The following SLC39A10 variants were observed in gnomAD, a reference collection of about 807,000 sequenced individuals.
The protein encoded by SLC39A10 is solute carrier family 39 member 10.
SLC39A10 carries 13 observed loss-of-function variants against 65.1 expected under a neutral mutation model. The ratio of observed to expected loss-of-function variants is 0.20; its 90% CI spans 0.13 to 0.32. The LOEUF (loss-of-function observed/expected upper bound fraction) is 0.32. Among genes scored for constraint, SLC39A10 ranks in the 10% least tolerant of loss-of-function variants. The pLI is 1.00. For missense variants in SLC39A10, 831 were observed against 1,018.4 expected, an observed-to-expected ratio of 0.82 and a Z score of 2.50; for synonymous variants, 321 against 342.2, an observed-to-expected ratio of 0.94 and a Z score of 0.68.
intron 3 of SLC39A10, among the ~76,000 whole-genome samples, chr2:195,701,432 A>T (rs1416458798): frequency 0.017 from 214 of 12,438 alleles, no homozygotes; most frequent in Middle Eastern, 0.042. Flanking sequence ...AGTTTCTGTG[A>T]TTCTTTTTTT....
intron 2 of SLC39A10, among the ~76,000 whole-genome samples, chr2:195,616,297 GGATT>G (rs111926219): frequency 1.2e-4 from 18 of 150,770 alleles, no homozygotes; most frequent in Non-Finnish European, 1.5e-4. Context: ...ATTTCAATTT[GGATT>G]GATTGATTGA....
chr2:195,668,715 T>G (rs1195729199), intron 1 of SLC39A10, among the ~76,000 whole-genome samples: 2 of 152,234 alleles, frequency 1.3e-5, no homozygotes, highest in African/African-American at 4.8e-5. Flanking sequence ...TTGTTTGTTT[T>G]TTGGTTGTTG....
chr2:195,725,963 T>G (rs1232455653), intron 8 of SLC39A10, among the ~76,000 whole-genome samples: 1 of 152,130 alleles, frequency 6.6e-6, no homozygotes, highest in African/African-American at 2.4e-5. Context: ...TAAAAAAATT[T>G]TGGAAGGGTA....
intron 2 of SLC39A10, among the ~76,000 whole-genome samples, chr2:195,648,991 G>C (rs1688980436): frequency 6.6e-6 from 1 of 152,178 alleles, no homozygotes; most frequent in South Asian, 2.1e-4. Context: ...AAACTTGGGT[G>C]TGATGAAATC....
chr2:195,655,900 G>A (rs1038309522), upstream of SLC39A10, among the ~76,000 whole-genome samples: 2 of 152,182 alleles, frequency 1.3e-5, no homozygotes, highest in African/African-American at 4.8e-5. Context: ...CTTCTTTCAT[G>A]AAGGTATAAT....
chr2:195,708,197 A>G (rs2105813325), intron 4 of SLC39A10, among the ~76,000 whole-genome samples: 2 of 152,270 alleles, frequency 1.3e-5, no homozygotes, highest in South Asian at 4.2e-4. Flanking sequence ...GTACCCCTGA[A>G]CTTAAAATAA....
intron 1 of SLC39A10, among the ~76,000 whole-genome samples, chr2:195,672,475 C>T (rs1397257170): frequency 6.6e-6 from 1 of 152,030 alleles, no homozygotes; most frequent in Non-Finnish European, 1.5e-5. Flanking sequence ...TAGTTCTAAA[C>T]TAAAGTTGCA....
chr2:195,691,583 T>A (rs779998484), intron 3 of SLC39A10, among the ~76,000 whole-genome samples: 4 of 152,250 alleles, frequency 2.6e-5, no homozygotes, highest in African/African-American at 4.8e-5. Context: ...TGGTATCACA[T>A]TGCGGTTTTG....
intron 2 of SLC39A10, among the ~76,000 whole-genome samples, chr2:195,640,352 A>C (rs919425119): frequency 1.3e-5 from 2 of 152,010 alleles, no homozygotes; most frequent in African/African-American, 4.8e-5. Context: ...AAAAAAAAAA[A>C]AAAACCTTAA....
intron 1 of SLC39A10, among the ~76,000 whole-genome samples, chr2:195,678,391 C>G (rs1690173733): frequency 6.6e-6 from 1 of 151,990 alleles, no homozygotes; most frequent in African/African-American, 2.4e-5. Flanking sequence ...TTTTCATTTG[C>G]TTTTTAGGAG....
chr2:195,621,922 A>G (rs932936446), intron 2 of SLC39A10, among the ~76,000 whole-genome samples: 1 of 152,224 alleles, frequency 6.6e-6, no homozygotes, highest in Non-Finnish European at 1.5e-5. Context: ...TATTTTGCAG[A>G]TTAAAAAAAC....
chr2:195,657,396 G>T, intron 1 of SLC39A10, 115 bp downstream of exon 1: 1 of 985,576 alleles, frequency 1.0e-6, no homozygotes, highest in Admixed American at 6.1e-5. Context: ...CAGAACCGGG[G>T]AGTCGGGGCT....
At chr2:195,656,648 A>G (rs1245005620), upstream of SLC39A10, 1 of 152,234 alleles carries the variant, frequency 6.6e-6, no homozygotes, top group Non-Finnish European at 1.5e-5. Flanking sequence ...GCACTAAATA[A>G]AGTTCGCTGT....
At position 195,713,561 on chromosome 2, in the gene SLC39A10, G is replaced by C; in HGVS notation, c.1696+8G>C. ...AACTCAAGCCTCTTGCCGGTAGACA[G>C]CAATTCTGACTCAAGACAAACTTTT... On this transcript the variant is annotated splice_region_variant and intron_variant, in intron 6 of 9. Transcript: ENST00000359634. 6.5e-7 allele frequency: 1 copy of C among 1,542,554 alleles called. No homozygotes were observed. Among genetic ancestry groups the C allele is most frequent in the Non-Finnish European group, 8.6e-7 (1 of 1,158,182 alleles).
At chr2:195,684,858 T>A (rs529179512) in intron 3 of SLC39A10, among the ~76,000 whole-genome samples, 1 of 152,260 alleles carries the variant, frequency 6.6e-6, no homozygotes, top group South Asian at 2.1e-4. Context: ...GACACAGAAT[T>A]TTTTCTTTAT....
At chr2:195,700,014 T>C (rs1017527534) in intron 3 of SLC39A10, among the ~76,000 whole-genome samples, 1 of 152,204 alleles carries the variant, frequency 6.6e-6, no homozygotes, top group Non-Finnish European at 1.5e-5. Context: ...TTTAAAAGTC[T>C]AGTTTGATAT....
chr2:195,617,207 A>T (rs1018092989), intron 2 of SLC39A10, among the ~76,000 whole-genome samples: 1 of 152,152 alleles, frequency 6.6e-6, no homozygotes, highest in African/African-American at 2.4e-5. Context: ...TAAGGCATGG[A>T]TCAAAAAAAT....
intron 2 of SLC39A10, among the ~76,000 whole-genome samples, chr2:195,641,483 CTTA>C (rs1239806614): frequency 6.6e-6 from 1 of 152,042 alleles, no homozygotes; most frequent in African/African-American, 2.4e-5. Flanking sequence ...TAATAATATT[CTTA>C]TTTAGCCCAA....
At chr2:195,615,665 T>C (rs767627077) in intron 2 of SLC39A10, among the ~76,000 whole-genome samples, 3 of 152,192 alleles carry the variant, frequency 2.0e-5, no homozygotes, top group Non-Finnish European at 4.4e-5. Context: ...TCCATTCACT[T>C]ACAGACATTA....
Sources: allele counts gnomAD v4.1 joint callset (sites outside exome capture counted in the v4.1 genomes callset), GRCh38; gene constraint gnomAD v4.1.1; transcripts MANE v1.5; gene names NCBI Gene and HGNC (gene_info 2026-07-23, HGNC 2026-07-21).